The following PCCA variants were observed in gnomAD, a reference collection of about 807,000 sequenced individuals.
PCCA encodes the protein propionyl-CoA carboxylase subunit alpha.
Under a neutral mutation model 101.3 loss-of-function variants are expected in PCCA, and 74 were observed. That is an observed-to-expected ratio of 0.73 (90% CI 0.61 to 0.89). The LOEUF (loss-of-function observed/expected upper bound fraction) is 0.89. Ranked by LOEUF, PCCA falls within the 40% of genes least tolerant of loss-of-function variation. PCCA has a pLI of 0.00. For synonymous variants in PCCA, 294 were observed against 313.6 expected, an observed-to-expected ratio of 0.94 and a Z score of 0.66; for missense variants, 891 against 907.0, an observed-to-expected ratio of 0.98 and a Z score of 0.23.
At chr13:100,469,553 C>T (rs1345038141) in intron 21 of PCCA, among the ~76,000 whole-genome samples, 84 of 151,844 alleles carry the variant, frequency 5.5e-4, no homozygotes, top group East Asian at 1.9e-4. Context: ...CCGAGGCGGG[C>T]GGATCACAAG....
rs940610451 is a variant in PCCA, at chr13:100,452,911, A to G, written c.1899+3606A>G. 1.2e-4 allele frequency among the ~76,000 whole-genome samples: 19 copies of G among 152,138 alleles called. No individual in the cohort carries two copies. The South Asian group carries it at 2.1e-3, about 17-fold the overall frequency. ...TTAGACTTGAAAAGAAAACTAAAGA[A>G]AGGAAATACAGGCCTGGCTCGGTGG... On this transcript the variant is annotated intron_variant, in intron 21 of 23. Coordinates refer to ENST00000376285, the MANE Select transcript of PCCA (RefSeq NM_000282.4).
chr13:100,356,469 G>C (rs950555478), intron 18 of PCCA, among the ~76,000 whole-genome samples: 1 of 152,028 alleles, frequency 6.6e-6, no homozygotes, highest in Non-Finnish European at 1.5e-5. Flanking sequence ...TTTCAAAAAA[G>C]ATATAGAAAT....
At chr13:100,309,336 G>A (rs141467279) in intron 15 of PCCA, among the ~76,000 whole-genome samples, 2 of 152,222 alleles carry the variant, frequency 1.3e-5, no homozygotes, top group Admixed American at 6.5e-5. Context: ...GGCGGAGGTT[G>A]CAGTGAGCTG....
At chr13:100,395,236 T>C (rs2076989495) in intron 19 of PCCA, among the ~76,000 whole-genome samples, 2 of 152,202 alleles carry the variant, frequency 1.3e-5, no homozygotes, top group Non-Finnish European at 2.9e-5. Context: ...CCACAAATTA[T>C]TTTGGTGTCT....
intron 20 of PCCA, among the ~76,000 whole-genome samples, chr13:100,441,496 A>T (rs1413530648): frequency 2.0e-5 from 3 of 152,228 alleles, no homozygotes; most frequent in Non-Finnish European, 2.9e-5. Flanking sequence ...TGTGTGAATA[A>T]CTTTGCTAAT....
chr13:100,089,317 G>T, intron 1 of PCCA, 92 bp downstream of exon 1: 1 of 1,328,158 alleles, frequency 7.5e-7, no homozygotes. Context: ...GCGCTGGCTG[G>T]GTCCGGCTGC....
At chr13:100,141,704 C>T (rs1346729141) in intron 4 of PCCA, among the ~76,000 whole-genome samples, 1 of 152,216 alleles carries the variant, frequency 6.6e-6, no homozygotes, top group Non-Finnish European at 1.5e-5. Context: ...TGAACCACCA[C>T]ACCCAGCCTT....
intron 10 of PCCA, among the ~76,000 whole-genome samples, chr13:100,265,872 C>T (rs1187472209): frequency 3.3e-5 from 5 of 151,598 alleles, no homozygotes; most frequent in African/African-American, 1.2e-4. Context: ...GGGTTTTGGC[C>T]TAAGAAATGA....
chr13:100,320,042 A>G (rs1340672667), intron 16 of PCCA, among the ~76,000 whole-genome samples: 2 of 152,196 alleles, frequency 1.3e-5, no homozygotes, highest in Admixed American at 1.3e-4. Context: ...GATCCTTCAC[A>G]TCCCTTGTAA....
At chr13:100,448,278 C>T (rs143265657) in intron 20 of PCCA, among the ~76,000 whole-genome samples, 7 of 152,312 alleles carry the variant, frequency 4.6e-5, no homozygotes, top group East Asian at 1.9e-4. Flanking sequence ...ACCTCACCTC[C>T]GCCTCCTGGG....
At chr13:100,129,812 TC>T (rs1484641753) in intron 4 of PCCA, among the ~76,000 whole-genome samples, 1 of 152,238 alleles carries the variant, frequency 6.6e-6, no homozygotes, top group African/African-American at 2.4e-5. Context: ...GCTCTGGCTC[TC>T]TTCTCAGTCT....
At chr13:100,108,837 G>T (rs908045537) in intron 2 of PCCA, among the ~76,000 whole-genome samples, 1 of 152,166 alleles carries the variant, frequency 6.6e-6, no homozygotes, top group Admixed American at 6.5e-5. Context: ...TGCCTTTTGG[G>T]CAGGGACTTG....
At chr13:100,501,360 C>T (rs1490151646) in intron 21 of PCCA, among the ~76,000 whole-genome samples, 10 of 152,160 alleles carry the variant, frequency 6.6e-5, no homozygotes, top group Admixed American at 6.5e-4. Flanking sequence ...ATCATCCACC[C>T]TCCTCCCACC....
intron 21 of PCCA, among the ~76,000 whole-genome samples, chr13:100,485,559 A>G (rs2084309883): frequency 6.6e-6 from 1 of 152,246 alleles, no homozygotes; most frequent in Admixed American, 6.5e-5. Flanking sequence ...CCCCAACTCT[A>G]GAACTTACAG....
chr13:100,180,418 T>G (rs535253744), intron 6 of PCCA, among the ~76,000 whole-genome samples: 1 of 152,322 alleles, frequency 6.6e-6, no homozygotes, highest in Non-Finnish European at 1.5e-5. Context: ...TTCTTGCCTA[T>G]TGGGGTTAAT....
At chr13:100,183,400 A>C (rs1317577735) in intron 6 of PCCA, among the ~76,000 whole-genome samples, 1 of 152,148 alleles carries the variant, frequency 6.6e-6, no homozygotes, top group Non-Finnish European at 1.5e-5. Flanking sequence ...GGTAAATATA[A>C]AGACAAAGCA....
Position 100,512,146 on chromosome 13 carries a change from G to A in PCCA, c.1900-3281G>A, listed in dbSNP as rs531582573. ...TTCAATAGGTCCACGGAAGAGCTGCGTGTCAGTTTTAAAAACAATCCCACT... is the reference window on the plus strand; with the variant it reads ...TTCAATAGGTCCACGGAAGAGCTGCATGTCAGTTTTAAAAACAATCCCACT... On this transcript the variant is annotated intron_variant, in intron 21 of 23. Coordinates refer to ENST00000376285, the MANE Select transcript of PCCA (RefSeq NM_000282.4). 2.6e-5 allele frequency among the ~76,000 whole-genome samples: 4 copies of A among 152,184 alleles called. No individual in the cohort carries two copies. The South Asian group carries it at 6.2e-4, about 24-fold the overall frequency.
chr13:100,380,652 C>T (rs1465017096), intron 19 of PCCA, among the ~76,000 whole-genome samples: 1 of 152,122 alleles, frequency 6.6e-6, no homozygotes, highest in Non-Finnish European at 1.5e-5. Context: ...GAAGTAGAAA[C>T]CCTACCTCAT....
At chr13:100,131,102 C>T (rs1309286456) in intron 4 of PCCA, among the ~76,000 whole-genome samples, 1 of 151,868 alleles carries the variant, frequency 6.6e-6, no homozygotes, top group African/African-American at 2.4e-5. Context: ...GCATAGTTTT[C>T]ACTAGTGAAA....
Sources: gnomAD v4.1 joint callset for allele counts (sites outside exome capture counted in the v4.1 genomes callset) on GRCh38, gnomAD v4.1.1 for gene constraint, MANE v1.5 for transcripts, NCBI Gene and HGNC (gene_info 2026-07-23, HGNC 2026-07-21) for gene names.